The following UBALD1 variants were observed in gnomAD, a reference collection of about 807,000 sequenced individuals.
The protein encoded by UBALD1 is UBA like domain containing 1.
A neutral mutation model predicts 16.1 loss-of-function variants in UBALD1; 5 were observed. The ratio of observed to expected loss-of-function variants is 0.31; its 90% CI spans 0.16 to 0.66. UBALD1 has a LOEUF of 0.66. Among genes scored for constraint, UBALD1 ranks in the 30% least tolerant of loss-of-function variants. The pLI, the probability that UBALD1 is intolerant of heterozygous loss-of-function variation, is 0.77. For synonymous variants in UBALD1, 146 were observed against 105.3 expected (o/e 1.39, Z -2.37); for missense variants, 220 against 252.8 (o/e 0.87, Z 0.88).
rs369340092 is a variant in UBALD1, at chr16:4,609,775, G to A, written c.392C>T (p.Pro131Leu). 3.3e-4 allele frequency: 497 copies of A among 1,506,106 alleles called. 1 individual carries two copies. Among genetic ancestry groups the A allele is most frequent in the Non-Finnish European group, 4.2e-4 (472 of 1,130,954 alleles). The allele number at this position is 1,506,106 out of a possible 1,614,324, so 93.3% of individuals were successfully genotyped here. A position where few individuals can be genotyped will look rare whatever the true frequency, so the allele number is the denominator to read the frequency against. The change falls in exon 3 of 3, where the codon CCG becomes CTG. Residue 131 changes from proline (P) to leucine (L), a missense_variant. Physicochemically the swap from Pro to Leu is moderately conservative, Grantham distance 98. Coordinates refer to ENST00000283474, the MANE Select transcript of UBALD1 (RefSeq NM_145253.3). ...TGGCTGGTGGTGCTGTGGGCCCCCC[G>A]GGGGCGAGGCCGCCGTGGGCCAGCT... is the stretch of plus-strand genomic sequence containing the variant. The part of the protein sequence containing the change: ...ASSWPTAASP[P>L]GGPQHHQPQP...
At chr16:4,610,731 C>G in intron 1 of UBALD1, 176 bp from the exon 2 acceptor site, 1 of 664,836 alleles carries the variant, frequency 1.5e-6, no homozygotes, top group South Asian at 2.0e-5. Context: ...TCACTGCTGT[C>G]TAAGGAGGAG....
chr16:4,613,262 G>A (rs1241233641), intron 1 of UBALD1, among the ~76,000 whole-genome samples: 1 of 152,168 alleles, frequency 6.6e-6, no homozygotes, highest in East Asian at 1.9e-4. Context: ...GGCACAGGGG[G>A]CAGTAAGCTG....
At chr16:4,610,304 G>A in intron 2 of UBALD1, 189 bp downstream of exon 2, 1 of 722,164 alleles carries the variant, frequency 1.4e-6, no homozygotes, top group Non-Finnish European at 2.4e-6. Context: ...CAGGTCTCAG[G>A]GGGAGCTGGC....
chr16:4,613,002 G>A (rs1053199368), intron 1 of UBALD1, among the ~76,000 whole-genome samples: 1 of 74,412 alleles, frequency 1.3e-5, no homozygotes, highest in Admixed American at 2.1e-4. Flanking sequence ...GCTGAGGGAT[G>A]TGGCCTGGGT....
In UBALD1 at chr16:4,614,726, C is replaced by T; in HGVS notation, c.72G>A (p.Ala24=). The T allele has an allele frequency of 4.5e-6, 7 of 1,559,888 alleles. No individual in the cohort carries two copies. Among genetic ancestry groups the T allele is most frequent in the Non-Finnish European group, 6.1e-6 (7 of 1,155,792 alleles). The stretch of plus-strand genomic sequence containing the variant: ...GCAGCAGTTGCTTCGCCTGGTCGGC[C>T]GCGCAGCCCGCCGTCAGCACGAACT... The part of the protein sequence containing the change: ...INQFVLTAGC[A]ADQAKQLLQA... The change falls in exon 1 of 3, where the codon GCG becomes GCA. Residue 24 remains alanine, a synonymous_variant. Coordinates refer to ENST00000283474, the MANE Select transcript of UBALD1 (RefSeq NM_145253.3).
intron 2 of UBALD1, 164 bp from the exon 3 acceptor site, chr16:4,610,147 C>G: frequency 2.7e-6 from 2 of 749,800 alleles, no homozygotes; most frequent in Non-Finnish European, 4.7e-6. Context: ...GAGGAGAAGC[C>G]TTGAGATGAA....
chr16:4,614,401 A>C, intron 1 of UBALD1: 2 of 326,842 alleles, frequency 6.1e-6, no homozygotes, highest in Non-Finnish European at 1.0e-5. Flanking sequence ...CGTTACCCGG[A>C]CAAAAGGGGT....
Position 4,609,592 on chromosome 16 carries a change from C to G in UBALD1, c.*41G>C, listed in dbSNP as rs201775709. On this transcript the variant is annotated 3_prime_UTR_variant, in exon 3 of 3. Transcript: ENST00000283474. ...CCCGCAGAGACGTCCTCTCCCCCGCCCCACGGGGTCCTGGCCTCCGGGAGG... is the reference window on the plus strand; with the variant it reads ...CCCGCAGAGACGTCCTCTCCCCCGCGCCACGGGGTCCTGGCCTCCGGGAGG... 21 of 929,374 alleles carry G rather than the reference C, an allele frequency of 2.3e-5. No individual in the cohort carries two copies. In the African/African-American group the frequency reaches 3.4e-4, roughly 15 times the overall value. 57.6% of individuals were successfully genotyped at this position (929,374 alleles called of 1,614,324 possible).
In UBALD1 at chr16:4,609,558, T is replaced by G; in HGVS notation, c.*75A>C. On this transcript the variant is annotated 3_prime_UTR_variant, in exon 3 of 3. Transcript: ENST00000283474. Reference sequence around the variant, plus strand: ...ACAAGGGGTGCAGACAGAAAAGGGGTGAAGGGGGCCCGCAGAGACGTCCTC... The same window carrying G: ...ACAAGGGGTGCAGACAGAAAAGGGGGGAAGGGGGCCCGCAGAGACGTCCTC... The G allele has an allele frequency of 3.3e-6, 2 of 614,908 alleles. No individual in the cohort carries two copies. The highest frequency in any genetic ancestry group is 4.9e-6 in the Non-Finnish European group (2 of 407,424). 38.1% of individuals were successfully genotyped at this position (614,908 alleles called of 1,614,324 possible). A position where few individuals can be genotyped will look rare whatever the true frequency, so the allele number is the denominator to read the frequency against.
Position 4,609,816 on chromosome 16 carries a change from G to T in UBALD1, c.351C>A (p.Ser117Arg). ...TGGGCCAGCTGGAGGCCGCAGAGCT[G>T]CTGGTGGCGGCATGGGGGAAGTGTG... ...PPPHFPHAAT[S>R]SSAASSWPTA... Residue 117 changes from serine (S) to arginine (R), a missense_variant, in exon 3 of 3, where the codon AGC (serine) becomes AGA (arginine). By Grantham distance (110) the Ser-to-Arg change is moderately radical. Coordinates refer to ENST00000283474, the MANE Select transcript of UBALD1 (RefSeq NM_145253.3). 1 of 1,525,804 alleles carries T rather than the reference G, an allele frequency of 6.6e-7. No homozygotes were observed. Among genetic ancestry groups the T allele is most frequent in the Admixed American group, 2.1e-5 (1 of 47,038 alleles). The allele number at this position is 1,525,804 out of a possible 1,614,324, so 94.5% of individuals were successfully genotyped here.
rs990500006 is a variant in UBALD1, at chr16:4,614,867, G to A, written c.-70C>T. The A allele has an allele frequency of 1.4e-6, 2 of 1,380,250 alleles. No homozygotes were observed. The highest frequency in any genetic ancestry group is 1.9e-6 in the Non-Finnish European group (2 of 1,055,790). The allele number at this position is 1,380,250 out of a possible 1,614,324, so 85.5% of individuals were successfully genotyped here. ...CCTCCGCCTCACGCGTCCACCATTA[G>A]CGAGCCGGCTCCGGCTAATACAAAT... On this transcript the variant is annotated 5_prime_UTR_variant, in exon 1 of 3. Transcript: ENST00000283474.
intron 1 of UBALD1, chr16:4,614,069 A>G: frequency 6.3e-6 from 1 of 158,066 alleles, no homozygotes. Flanking sequence ...CACGGGCGGC[A>G]TCTGCACACC....
chr16:4,611,534 CACAGGCAGGGACTGCTGTCTT>C (rs1013065693), intron 1 of UBALD1: 15 of 152,666 alleles, frequency 9.8e-5, no homozygotes, highest in African/African-American at 3.6e-4. Context: ...TCATTAACCC[CACAGGCAGGGACTGCTGTCTT>C]ACAGGCAGGG....
intron 1 of UBALD1, 73 bp downstream of exon 1, chr16:4,614,604 GC>G (rs1231231909): frequency 2.3e-6 from 3 of 1,284,194 alleles, no homozygotes; most frequent in South Asian, 2.7e-5. Flanking sequence ...CACGCCGTCC[GC>G]CCCCGCCCGG....
Position 4,609,511 on chromosome 16 carries a change from C to G in UBALD1, c.*122G>C. 2.2e-6 allele frequency: 1 copy of G among 457,442 alleles called. No individual in the cohort carries two copies. The highest frequency in any genetic ancestry group is 3.7e-6 in the Non-Finnish European group (1 of 271,712). The allele number at this position is 457,442 out of a possible 1,614,324, so 28.3% of individuals were successfully genotyped here. A position where few individuals can be genotyped will look rare whatever the true frequency, so the allele number is the denominator to read the frequency against. The stretch of plus-strand genomic sequence containing the variant: ...TCCCTGCCTGGCTAGAGTCCGCGCT[C>G]TCCCCTCCAGGGCTCCGGGGAACAA... On this transcript the variant is annotated 3_prime_UTR_variant, in exon 3 of 3. Coordinates refer to ENST00000283474, the MANE Select transcript of UBALD1 (RefSeq NM_145253.3).
intron 1 of UBALD1, among the ~76,000 whole-genome samples, chr16:4,613,076 G>A (rs557697543): frequency 1.5e-4 from 23 of 152,178 alleles, no homozygotes; most frequent in African/African-American, 3.9e-4. Context: ...GCTTCCCACC[G>A]GACACCTACC....
At chr16:4,614,281 G>A (rs2141788175) in intron 1 of UBALD1, 1 of 354,352 alleles carries the variant, frequency 2.8e-6, no homozygotes, top group East Asian at 4.1e-5. Context: ...CGGACCACTC[G>A]CCCGGAGCGG....
intron 1 of UBALD1, chr16:4,610,976 C>G (rs1897351722): frequency 2.6e-6 from 1 of 380,182 alleles, no homozygotes; most frequent in South Asian, 1.3e-4. Flanking sequence ...CTGGCTGTTA[C>G]CACCTCAACG....
chr16:4,609,745 GGCTGTGGCTGGTGGT>G lies in UBALD1; in HGVS notation c.407_421del (p.His136_Gln140del). The G allele has an allele frequency of 6.7e-7, 1 of 1,500,816 alleles. No individual in the cohort carries two copies. The highest frequency in any genetic ancestry group is 8.9e-7 in the Non-Finnish European group (1 of 1,128,380). The allele number at this position is 1,500,816 out of a possible 1,614,324, so 93.0% of individuals were successfully genotyped here. On this transcript the variant is annotated inframe_deletion, in exon 3 of 3. Transcript: ENST00000283474. The stretch of plus-strand genomic sequence containing the variant: ...AGGGGGTGTTGGAGTCCACAGGGGC[GGCTGTGGCTGGTGGT>G]GCTGTGGGCCCCCCGGGGGCGAGGC...
Sources: allele counts gnomAD v4.1 joint callset (sites outside exome capture counted in the v4.1 genomes callset), GRCh38; gene constraint gnomAD v4.1.1; transcripts MANE v1.5; gene names NCBI Gene and HGNC (gene_info 2026-07-23, HGNC 2026-07-21).